HERC3: variants seen among roughly 807,000 people sequenced by gnomAD.
The protein encoded by HERC3 is HECT and RLD domain containing E3 ubiquitin protein ligase 3.
In HERC3, 58 loss-of-function variants were observed where a neutral mutation model predicts 129.9. The observed-to-expected ratio is 0.45, with a 90% confidence interval of 0.36 to 0.56. HERC3 has a LOEUF of 0.56. Ranked by LOEUF, HERC3 falls within the 20% of genes least tolerant of loss-of-function variation. HERC3 has a pLI of 0.00. For missense variants in HERC3, 835 were observed against 1,244.2 expected, an observed-to-expected ratio of 0.67 and a Z score of 4.95; for synonymous variants, 430 against 451.0, an observed-to-expected ratio of 0.95 and a Z score of 0.59.
intron 3 of HERC3, among the ~76,000 whole-genome samples, chr4:88,608,827 C>G (rs1208398653): frequency 6.6e-6 from 1 of 152,150 alleles, no homozygotes; most frequent in Middle Eastern, 3.2e-3. Context: ...GATTTAGGAA[C>G]TTCATTCCAA....
chr4:88,526,311 G>A, the HERC3 span, among the ~76,000 whole-genome samples: 2 of 152,110 alleles, frequency 1.3e-5, no homozygotes, highest in African/African-American at 4.8e-5. Context: ...GGCAGAAGAG[G>A]GGCTGGACTA....
chr4:88,654,347 TTC>T (rs1491076772), intron 7 of HERC3, among the ~76,000 whole-genome samples: 267 of 66,460 alleles, frequency 4.0e-3, no homozygotes, highest in African/African-American at 0.021. Context: ...TTGTAGATTT[TTC>T]ATATATATAT....
At chr4:88,643,877 A>G (rs1281265186) in intron 3 of HERC3, among the ~76,000 whole-genome samples, 1 of 152,242 alleles carries the variant, frequency 6.6e-6, no homozygotes, top group African/African-American at 2.4e-5. Context: ...TCCATAAAGG[A>G]AAAAGTTGTT....
chr4:88,696,074 T>C (rs1734571374), intron 23 of HERC3: 2 of 152,610 alleles, frequency 1.3e-5, no homozygotes, highest in Non-Finnish European at 2.9e-5. Context: ...ACTGTATGCA[T>C]CTGTCCTCAA....
intron 18 of HERC3, 90 bp from the exon 19 acceptor site, chr4:88,677,874 C>T: frequency 1.7e-6 from 2 of 1,145,452 alleles, no homozygotes; most frequent in Non-Finnish European, 2.5e-6. Context: ...GAGATGCAGT[C>T]AGCGCCCCCA....
intron 1 of HERC3, among the ~76,000 whole-genome samples, chr4:88,595,302 A>G (rs1315135885): frequency 2.6e-5 from 4 of 152,116 alleles, no homozygotes. Flanking sequence ...AATGTCAGGA[A>G]TTTTTATAAG....
chr4:88,695,327 T>G (rs1734491645), intron 23 of HERC3, among the ~76,000 whole-genome samples: 1 of 152,196 alleles, frequency 6.6e-6, no homozygotes, highest in South Asian at 2.1e-4. Flanking sequence ...TTCTTTGTAA[T>G]TTTAACCCTT....
chr4:88,541,330 C>A, the HERC3 span, among the ~76,000 whole-genome samples: 1 of 151,866 alleles, frequency 6.6e-6, no homozygotes, highest in African/African-American at 2.4e-5. Flanking sequence ...CAACAAAGAT[C>A]AAAAGAGACA....
At chr4:88,591,433 C>T (rs921580131), upstream of HERC3, among the ~76,000 whole-genome samples, 4 of 152,118 alleles carry the variant, frequency 2.6e-5, no homozygotes, top group African/African-American at 7.2e-5. Flanking sequence ...GTTCTCAGGA[C>T]GAGCGATTGC....
At chr4:88,676,882 C>G (rs1732226744) in intron 18 of HERC3, among the ~76,000 whole-genome samples, 1 of 152,102 alleles carries the variant, frequency 6.6e-6, no homozygotes, top group Non-Finnish European at 1.5e-5. Context: ...GTGGCTCATG[C>G]CTATAATCCT....
the HERC3 span, among the ~76,000 whole-genome samples, chr4:88,564,830 GT>G: frequency 1.7e-4 from 26 of 151,916 alleles, no homozygotes; most frequent in East Asian, 5.0e-3. Context: ...TTTATTTGAA[GT>G]TTTTCCACTT....
At chr4:88,589,484 C>CA (rs1359094118), upstream of HERC3, among the ~76,000 whole-genome samples, 1 of 152,200 alleles carries the variant, frequency 6.6e-6, no homozygotes, top group Admixed American at 6.5e-5. Flanking sequence ...TAATGTTTGT[C>CA]TCCCCTTTCA....
chr4:88,665,031 A>G (rs1730895346), intron 12 of HERC3, among the ~76,000 whole-genome samples: 2 of 152,334 alleles, frequency 1.3e-5, no homozygotes, highest in Admixed American at 6.5e-5. Context: ...TGACCAGGCT[A>G]TATGAGATCT....
At chr4:88,690,589 G>T in intron 23 of HERC3, 1 of 985,358 alleles carries the variant, frequency 1.0e-6, no homozygotes, top group Non-Finnish European at 1.2e-6. Context: ...CTGTGAGTAT[G>T]ATACAGTGGC....
At position 88,704,533 on chromosome 4, in the gene HERC3, C is replaced by T. The variant is rs374602147; in HGVS notation, c.2867C>T (p.Ser956Leu). 4.3e-6 allele frequency: 7 copies of T among 1,610,742 alleles called. No individual in the cohort carries two copies. The highest frequency in any genetic ancestry group is 2.2e-5 in the South Asian group (2 of 90,988). The change falls in exon 25 of 26, where the codon TCG becomes TTG. Residue 956 changes from serine (S) to leucine (L), a missense_variant. Coordinates refer to ENST00000402738, the MANE Select transcript of HERC3 (RefSeq NM_014606.3). Reference sequence around the variant, plus strand: ...ACTGCCATCTACAAGGGAGATTACTCGGCCACACATCCCACTGTAAAACTA... The same window carrying T: ...ACTGCCATCTACAAGGGAGATTACTTGGCCACACATCCCACTGTAAAACTA... ...EETAIYKGDY[S>L]ATHPTVKLFW...
intron 3 of HERC3, among the ~76,000 whole-genome samples, chr4:88,620,559 A>G (rs1040381860): frequency 6.6e-6 from 1 of 151,922 alleles, no homozygotes; most frequent in African/African-American, 2.4e-5. Context: ...TACCTCTTCT[A>G]CCCCTCTTCC....
chr4:88,648,578 AT>A (rs1402326308), intron 3 of HERC3, among the ~76,000 whole-genome samples: 1 of 152,002 alleles, frequency 6.6e-6, no homozygotes, highest in Non-Finnish European at 1.5e-5. Flanking sequence ...TCCCTGTTCT[AT>A]TGTATATAAA....
intron 4 of HERC3, among the ~76,000 whole-genome samples, chr4:88,650,642 A>G (rs1729170265): frequency 6.6e-6 from 1 of 152,172 alleles, no homozygotes; most frequent in Non-Finnish European, 1.5e-5. Flanking sequence ...AAGAGCTGCC[A>G]TTTTATTTCC....
At chr4:88,612,094 G>A (rs1022103200) in intron 3 of HERC3, among the ~76,000 whole-genome samples, 1 of 152,046 alleles carries the variant, frequency 6.6e-6, no homozygotes, top group Non-Finnish European at 1.5e-5. Context: ...ATTTTTTTGG[G>A]ATGCATTCTG....
Sources: allele counts gnomAD v4.1 joint callset (sites outside exome capture counted in the v4.1 genomes callset), GRCh38; gene constraint gnomAD v4.1.1; transcripts MANE v1.5; gene names NCBI Gene and HGNC (gene_info 2026-07-23, HGNC 2026-07-21).